ARHGAP24: variants seen among roughly 807,000 people sequenced by gnomAD.
The protein encoded by ARHGAP24 is Rho GTPase activating protein 24, also known as rho GTPase-activating protein 24.
ARHGAP24 carries 50 observed loss-of-function variants against 76.4 expected under a neutral mutation model. The observed-to-expected ratio is 0.65, with a 90% CI of 0.52 to 0.83. ARHGAP24 has a LOEUF of 0.83. Among genes scored for constraint, ARHGAP24 ranks in the 40% least tolerant of loss-of-function variants. The probability of loss-of-function intolerance (pLI) is 0.00; values close to 1 mark genes in which losing one functional copy is unlikely to be tolerated. For synonymous variants in ARHGAP24, 345 were observed against 323.3 expected (o/e 1.07, Z -0.72); for missense variants, 930 against 914.2 (o/e 1.02, Z -0.22).
intron 3 of ARHGAP24, among the ~76,000 whole-genome samples, chr4:85,768,049 G>A (rs1243800704): frequency 1.3e-5 from 2 of 152,114 alleles, no homozygotes; most frequent in Non-Finnish European, 2.9e-5. Context: ...CACAGTCTCA[G>A]AACAAAAATA....
chr4:85,795,403 G>A (rs181335263), intron 3 of ARHGAP24, among the ~76,000 whole-genome samples: 1 of 151,946 alleles, frequency 6.6e-6, no homozygotes, highest in African/African-American at 2.4e-5. Flanking sequence ...TGCTTGTTTG[G>A]GTTTTTGTCA....
intron 1 of ARHGAP24, among the ~76,000 whole-genome samples, chr4:85,522,687 T>G (rs1724830777): frequency 6.6e-6 from 1 of 152,182 alleles, no homozygotes; most frequent in South Asian, 2.1e-4. Context: ...GCTTAAATAA[T>G]TTACATCATG....
At chr4:85,925,405 G>A (rs1319612039) in intron 4 of ARHGAP24, among the ~76,000 whole-genome samples, 1 of 152,154 alleles carries the variant, frequency 6.6e-6, no homozygotes, top group Non-Finnish European at 1.5e-5. Context: ...GCCCCAAAGG[G>A]CAAGAGTAGT....
At chr4:85,874,923 T>A (rs1213680988) in intron 3 of ARHGAP24, among the ~76,000 whole-genome samples, 3 of 54,074 alleles carry the variant, frequency 5.5e-5, no homozygotes, top group African/African-American at 1.9e-4. Context: ...AATATATTTA[T>A]ATATAATTTA....
At chr4:85,784,927 CT>C (rs1465949524) in intron 3 of ARHGAP24, among the ~76,000 whole-genome samples, 12 of 149,814 alleles carry the variant, frequency 8.0e-5, no homozygotes, top group African/African-American at 3.0e-4. Context: ...ATCTATCTAT[CT>C]ATCTATCTAT....
chr4:85,538,158 T>C (rs745419196), intron 1 of ARHGAP24, among the ~76,000 whole-genome samples: 1 of 152,120 alleles, frequency 6.6e-6, no homozygotes, highest in Non-Finnish European at 1.5e-5. Flanking sequence ...TTTTGAGGTA[T>C]GAAGTGAGAT....
At chr4:85,697,650 G>T (rs13134382) in intron 2 of ARHGAP24, among the ~76,000 whole-genome samples, 27,043 of 152,132 alleles carry the variant, frequency 0.18, 3,039 homozygotes, top group East Asian at 0.58. Context: ...CATACTAAAT[G>T]AAATGGAAGT....
intron 3 of ARHGAP24, among the ~76,000 whole-genome samples, chr4:85,817,741 T>A (rs2110119931): frequency 6.6e-6 from 1 of 152,326 alleles, no homozygotes; most frequent in South Asian, 2.1e-4. Context: ...AAAAGGTTGG[T>A]CTTGTATCCC....
At chr4:85,647,828 A>G (rs1290044143) in intron 2 of ARHGAP24, among the ~76,000 whole-genome samples, 4 of 152,168 alleles carry the variant, frequency 2.6e-5, no homozygotes, top group East Asian at 3.9e-4. Context: ...ACCATACCCT[A>G]TGTCCATTTT....
At chr4:85,980,307 A>T (rs1221089374) in intron 8 of ARHGAP24, among the ~76,000 whole-genome samples, 4 of 152,224 alleles carry the variant, frequency 2.6e-5, no homozygotes, top group Admixed American at 2.6e-4. Context: ...GTGCCTCACA[A>T]GTTCACATTA....
At chr4:85,830,041 C>A (rs1729911858) in intron 3 of ARHGAP24, among the ~76,000 whole-genome samples, 1 of 152,220 alleles carries the variant, frequency 6.6e-6, no homozygotes, top group Non-Finnish European at 1.5e-5. Context: ...CAATTAAGTT[C>A]TCCTAGTTAA....
chr4:85,487,510 A>G (rs1456697955), intron 1 of ARHGAP24, among the ~76,000 whole-genome samples: 1 of 109,380 alleles, frequency 9.1e-6, no homozygotes, highest in Non-Finnish European at 1.6e-5. Flanking sequence ...TACATATTAT[A>G]TAAACATATA....
chr4:85,651,646 C>T (rs1252087436), intron 2 of ARHGAP24, among the ~76,000 whole-genome samples: 1 of 149,118 alleles, frequency 6.7e-6, no homozygotes, highest in African/African-American at 2.6e-5. Context: ...TTTACCCAAA[C>T]TGTGAACATA....
intron 1 of ARHGAP24, among the ~76,000 whole-genome samples, chr4:85,523,400 TATTGG>T (rs1303973552): frequency 6.6e-6 from 1 of 152,166 alleles, no homozygotes; most frequent in African/African-American, 2.4e-5. Context: ...CATTGCCGTC[TATTGG>T]TAAGTCTCAA....
At chr4:85,697,009 G>C (rs938591547) in intron 2 of ARHGAP24, among the ~76,000 whole-genome samples, 2 of 152,102 alleles carry the variant, frequency 1.3e-5, no homozygotes, top group Non-Finnish European at 2.9e-5. Flanking sequence ...TAATATCGGA[G>C]GATAATGAAT....
At chr4:85,490,280 G>A (rs1168102849) in intron 1 of ARHGAP24, among the ~76,000 whole-genome samples, 1 of 152,146 alleles carries the variant, frequency 6.6e-6, no homozygotes, top group South Asian at 2.1e-4. Flanking sequence ...CAAGATTAGA[G>A]ATTGATTCCT....
chr4:85,976,252 T>A (rs1739314254), intron 7 of ARHGAP24, among the ~76,000 whole-genome samples: 1 of 152,200 alleles, frequency 6.6e-6, no homozygotes, highest in East Asian at 1.9e-4. Context: ...GTTACTATAG[T>A]TTAGGCTGTA....
At chr4:85,529,512 C>T (rs1192596887) in intron 1 of ARHGAP24, among the ~76,000 whole-genome samples, 1 of 151,996 alleles carries the variant, frequency 6.6e-6, no homozygotes, top group African/African-American at 2.4e-5. Flanking sequence ...ACCATTTAGA[C>T]ATTCTGAATT....
At chr4:85,486,303 A>C (rs1313372442) in intron 1 of ARHGAP24, among the ~76,000 whole-genome samples, 1 of 151,962 alleles carries the variant, frequency 6.6e-6, no homozygotes, top group Non-Finnish European at 1.5e-5. Flanking sequence ...CTTGACAATG[A>C]CTGGATGAAG....
Sources: gnomAD v4.1 joint callset for allele counts (sites outside exome capture counted in the v4.1 genomes callset) on GRCh38, gnomAD v4.1.1 for gene constraint, MANE v1.5 for transcripts, NCBI Gene and HGNC (gene_info 2026-07-23, HGNC 2026-07-21) for gene names.